The following CELF2 variants were observed in gnomAD, a reference collection of about 807,000 sequenced individuals.
CELF2 encodes CUGBP Elav-like family member 2.
A neutral mutation model predicts 62.6 loss-of-function variants in CELF2; 8 were observed. The observed-to-expected ratio is 0.13, with a 90% CI of 0.07 to 0.23. The LOEUF (loss-of-function observed/expected upper bound fraction) is 0.23, where lower values mean the gene tolerates loss of function less well. CELF2 is among the 10% of genes least tolerant of loss of function. The pLI is 1.00. For missense variants in CELF2, 333 were observed against 671.0 expected (o/e 0.50, Z 5.56); for synonymous variants, 258 against 250.0 (o/e 1.03, Z -0.30).
At chr10:11,128,043 G>C (rs1323642277) in intron 1 of CELF2, among the ~76,000 whole-genome samples, 1 of 152,112 alleles carries the variant, frequency 6.6e-6, no homozygotes, top group Non-Finnish European at 1.5e-5. Context: ...AATCCATCTT[G>C]AATTAATTTT....
intron 1 of CELF2, chr10:11,071,630 C>T (rs1415579879): frequency 6.6e-6 from 1 of 152,206 alleles, no homozygotes; most frequent in African/African-American, 2.4e-5. Flanking sequence ...AAGATCAGCT[C>T]CCTTTCTTCC....
intron 4 of CELF2, among the ~76,000 whole-genome samples, chr10:11,251,836 T>G (rs139938816): frequency 1.3e-5 from 2 of 152,334 alleles, no homozygotes; most frequent in East Asian, 3.9e-4. Flanking sequence ...TTCTGCTAAG[T>G]TAACACTGTT....
At chr10:11,288,673 T>G in intron 9 of CELF2, 121 bp downstream of exon 9, 2 of 1,078,060 alleles carry the variant, frequency 1.9e-6, no homozygotes, top group Admixed American at 3.0e-5. Context: ...GATACTATAC[T>G]GGGCTGCTTT....
chr10:11,063,971 C>T (rs191197819), intron 1 of CELF2, among the ~76,000 whole-genome samples: 233 of 152,200 alleles, frequency 1.5e-3, no homozygotes, highest in Non-Finnish European at 2.9e-3. Flanking sequence ...TGCTGTTTAT[C>T]GGTGGAGTTG....
At chr10:11,262,179 T>C (rs2080849550) in intron 5 of CELF2, among the ~76,000 whole-genome samples, 1 of 152,212 alleles carries the variant, frequency 6.6e-6, no homozygotes, top group Non-Finnish European at 1.5e-5. Flanking sequence ...TGGCAATATT[T>C]TCAGGGATGT....
chr10:10,491,705 C>T, the CELF2 span, among the ~76,000 whole-genome samples: 1 of 152,164 alleles, frequency 6.6e-6, no homozygotes, highest in Non-Finnish European at 1.5e-5. Context: ...CCAGTGAAAT[C>T]TTTGTGCTCA....
chr10:11,089,658 A>G (rs1835590556), intron 1 of CELF2, among the ~76,000 whole-genome samples: 1 of 152,180 alleles, frequency 6.6e-6, no homozygotes, highest in African/African-American at 2.4e-5. Context: ...CGAGGTAGAG[A>G]GAAGGCAGAA....
intron 1 of CELF2, among the ~76,000 whole-genome samples, chr10:11,124,545 C>T (rs77070318): frequency 0.056 from 8,448 of 152,114 alleles, 280 homozygotes; most frequent in African/African-American, 0.064. Flanking sequence ...CATGAAATGG[C>T]AATGTTTTAA....
chr10:10,830,238 G>A (rs1299406944), intron 1 of CELF2, among the ~76,000 whole-genome samples: 1 of 142,320 alleles, frequency 7.0e-6, no homozygotes, highest in Non-Finnish European at 1.5e-5. Flanking sequence ...TTTCCAAACG[G>A]CAATACAAAC....
the CELF2 span, among the ~76,000 whole-genome samples, chr10:10,500,457 C>T: frequency 6.6e-6 from 1 of 152,110 alleles, no homozygotes; most frequent in East Asian, 1.9e-4. Context: ...TCCTGTGCTG[C>T]TCTCATGATC....
At chr10:10,847,373 A>T (rs965591909) in intron 1 of CELF2, among the ~76,000 whole-genome samples, 2 of 152,140 alleles carry the variant, frequency 1.3e-5, no homozygotes, top group African/African-American at 4.8e-5. Flanking sequence ...ATATCATCTG[A>T]CCTACTTCCT....
chr10:10,691,222 GT>G, the CELF2 span, among the ~76,000 whole-genome samples: 5 of 147,732 alleles, frequency 3.4e-5, no homozygotes, highest in African/African-American at 1.3e-4. Context: ...TGATCTCATT[GT>G]TCAATTCCCA....
At chr10:11,201,189 C>CA (rs971044701) in intron 2 of CELF2, among the ~76,000 whole-genome samples, 1 of 152,212 alleles carries the variant, frequency 6.6e-6, no homozygotes, top group African/African-American at 2.4e-5. Flanking sequence ...ATAGCACTGA[C>CA]ATGGGCAGAA....
intron 1 of CELF2, among the ~76,000 whole-genome samples, chr10:10,867,855 T>C (rs2060483886): frequency 6.6e-6 from 1 of 152,240 alleles, no homozygotes; most frequent in Non-Finnish European, 1.5e-5. Context: ...AAGTATGTAG[T>C]GACCTTTTTT....
chr10:10,933,173 C>T (rs1164655520), intron 2 of CELF2, among the ~76,000 whole-genome samples: 1 of 151,444 alleles, frequency 6.6e-6, no homozygotes, highest in East Asian at 1.9e-4. Flanking sequence ...CATGGTGGCA[C>T]ACGGCTGTAG....
At chr10:10,485,397 G>A in the CELF2 span, among the ~76,000 whole-genome samples, 3 of 152,104 alleles carry the variant, frequency 2.0e-5, no homozygotes, top group Non-Finnish European at 4.4e-5. Context: ...GTTTGCAGTG[G>A]GAAGCACCTG....
intron 1 of CELF2, among the ~76,000 whole-genome samples, chr10:11,069,917 A>G (rs1253075083): frequency 6.6e-6 from 1 of 152,226 alleles, no homozygotes; most frequent in Non-Finnish European, 1.5e-5. Flanking sequence ...TAGCATTTGT[A>G]AGGTGGATAT....
intron 1 of CELF2, among the ~76,000 whole-genome samples, chr10:11,057,422 T>A (rs1331742327): frequency 1.3e-5 from 2 of 152,096 alleles, no homozygotes; most frequent in Non-Finnish European, 2.9e-5. Flanking sequence ...AGATTTTCAT[T>A]TTGCTAAATA....
At position 11,294,019 on chromosome 10, in the gene CELF2, G is replaced by A. The variant is rs1313799854; in HGVS notation, c.976+5467G>A. 3.3e-5 allele frequency among the ~76,000 whole-genome samples: 5 copies of A among 152,266 alleles called. 1 individual carries two copies. Among genetic ancestry groups the A allele is most frequent in the Non-Finnish European group, 1.5e-5 (1 of 68,030 alleles). ...CCTGCAATTTGGTTTCACCTTACAG[G>A]TGAATACTCAGGTCCAACAGGTTTC... On this transcript the variant is annotated intron_variant, in intron 9 of 12. Transcript: ENST00000633077.
Sources: allele counts gnomAD v4.1 joint callset (sites outside exome capture counted in the v4.1 genomes callset), GRCh38; gene constraint gnomAD v4.1.1; transcripts MANE v1.5; gene names NCBI Gene and HGNC (gene_info 2026-07-23, HGNC 2026-07-21).